The following COL28A1 variants were observed in gnomAD, a reference collection of about 807,000 sequenced individuals.
The protein encoded by COL28A1 is collagen type XXVIII alpha 1 chain.
Under a neutral mutation model 150.2 loss-of-function variants are expected in COL28A1, and 161 were observed. The ratio of observed to expected loss-of-function variants is 1.07; its 90% CI spans 0.94 to 1.22. The LOEUF (loss-of-function observed/expected upper bound fraction) is 1.22. COL28A1 is among the 50% of genes most tolerant of loss of function. The pLI is 0.00. For missense variants in COL28A1, 1,617 were observed against 1,388.3 expected (o/e 1.16, Z -2.62); for synonymous variants, 552 against 469.7 (o/e 1.18, Z -2.26).
At position 7,445,657 on chromosome 7, in the gene COL28A1, C is replaced by T. The variant is rs1054305997; in HGVS notation, c.1510-1168G>A. Among the ~76,000 whole-genome samples the T allele has an allele frequency of 3.3e-5, 5 of 152,156 alleles. No homozygotes were observed. In the South Asian group the frequency reaches 1.0e-3, roughly 32 times the overall value. ...TTAAAATGTTCAGGAAAAAAATATG[C>T]TACTTTCAATCAGTTTAAAGCATCT... is the stretch of plus-strand genomic sequence containing the variant. On this transcript the variant is annotated intron_variant, in intron 18 of 34. Coordinates refer to ENST00000399429, the MANE Select transcript of COL28A1 (RefSeq NM_001037763.3).
chr7:7,541,979 A>C, the COL28A1 span, among the ~76,000 whole-genome samples: 1 of 150,802 alleles, frequency 6.6e-6, no homozygotes, highest in Non-Finnish European at 1.5e-5. Context: ...ATCTAACTCT[A>C]GTTGACAATA....
At position 7,440,834 on chromosome 7, in the gene COL28A1, C is replaced by T. The variant is rs368227356; in HGVS notation, c.1678G>A (p.Gly560Arg). 3.4e-5 allele frequency: 52 copies of T among 1,552,120 alleles called. No individual in the cohort carries two copies. The highest frequency in any genetic ancestry group is 4.5e-5 in the Non-Finnish European group (51 of 1,124,616). ...GGAAGTCCCCTCTGTCCTTGATTTC[C>T]TTTGCTCCCTTTCTTGCCTTCGTCA... is the stretch of plus-strand genomic sequence containing the variant. The part of the protein sequence containing the change: ...KGDEGKKGSK[G>R]NQGQRGLPGP... The change falls in exon 21 of 35, where the codon GGA becomes AGA. Residue 560 changes from glycine (G) to arginine (R), a missense_variant. Gly to Arg is a moderately radical substitution (Grantham distance 125). Transcript: ENST00000399429.
intron 27 of COL28A1, chr7:7,417,530 G>GA (rs1784157135): frequency 6.1e-5 from 7 of 115,136 alleles, no homozygotes; most frequent in African/African-American, 5.1e-4. Context: ...AGGGGGGAGG[G>GA]AGGGAGGGAG....
At chr7:7,348,748 A>T in the COL28A1 span, among the ~76,000 whole-genome samples, 6 of 151,946 alleles carry the variant, frequency 3.9e-5, no homozygotes, top group Non-Finnish European at 7.4e-5. Context: ...TTGGTGCTAT[A>T]AATTTCCTTC....
chr7:7,449,690 A>C (rs920606161), intron 18 of COL28A1, among the ~76,000 whole-genome samples: 1 of 152,180 alleles, frequency 6.6e-6, no homozygotes, highest in East Asian at 1.9e-4. Context: ...AAACAAAACA[A>C]AACAAAACAA....
intron 30 of COL28A1, among the ~76,000 whole-genome samples, chr7:7,376,273 G>A (rs1781537322): frequency 6.6e-6 from 1 of 152,158 alleles, no homozygotes; most frequent in Admixed American, 6.5e-5. Context: ...TCAACAGGAA[G>A]GACCAGTGGA....
chr7:7,506,153 G>C, intron 10 of COL28A1, 86 bp from the exon 11 acceptor site: 1 of 806,060 alleles, frequency 1.2e-6, no homozygotes, highest in Non-Finnish European at 2.2e-6. Context: ...TAGAGATCCT[G>C]GCGATCGAAG....
downstream of COL28A1, among the ~76,000 whole-genome samples, chr7:7,353,594 C>T (rs1238081675): frequency 1.3e-5 from 2 of 152,084 alleles, no homozygotes; most frequent in Non-Finnish European, 2.9e-5. Context: ...ATTTTGGTTG[C>T]CACTCAATTG....
intron 13 of COL28A1, among the ~76,000 whole-genome samples, chr7:7,483,679 T>C (rs933528129): frequency 2.0e-5 from 3 of 151,694 alleles, no homozygotes; most frequent in Admixed American, 6.6e-5. Flanking sequence ...TAAAAGAAAA[T>C]AACTCACAAT....
At chr7:7,476,825 T>C (rs1247879587) in intron 14 of COL28A1, among the ~76,000 whole-genome samples, 1 of 152,260 alleles carries the variant, frequency 6.6e-6, no homozygotes, top group African/African-American at 2.4e-5. Flanking sequence ...ATAAGGATGT[T>C]ATTTATCACT....
chr7:7,458,705 C>G (rs936940504), intron 15 of COL28A1, among the ~76,000 whole-genome samples: 1 of 152,126 alleles, frequency 6.6e-6, no homozygotes, highest in African/African-American at 2.4e-5. Context: ...TTCATTTATC[C>G]TCACAACAAC....
chr7:7,383,714 T>C (rs1782024312), intron 27 of COL28A1, among the ~76,000 whole-genome samples: 3 of 79,540 alleles, frequency 3.8e-5, no homozygotes, highest in Non-Finnish European at 9.8e-5. Context: ...GTATATGAGA[T>C]TCTAATTTGT....
At chr7:7,372,663 T>C (rs1237479787) in intron 32 of COL28A1, among the ~76,000 whole-genome samples, 2 of 152,146 alleles carry the variant, frequency 1.3e-5, no homozygotes, top group African/African-American at 4.8e-5. Context: ...CTCGATCCCT[T>C]ATTTTAGTTA....
intron 1 of COL28A1, among the ~76,000 whole-genome samples, chr7:7,533,220 G>C (rs986507357): frequency 6.6e-6 from 1 of 152,064 alleles, no homozygotes; most frequent in Non-Finnish European, 1.5e-5. Flanking sequence ...TTTCAATCCC[G>C]CTCTATATGA....
At chr7:7,417,983 C>T (rs1480630875) in intron 26 of COL28A1, 56 bp from the exon 27 acceptor site, 1 of 1,440,272 alleles carries the variant, frequency 6.9e-7, no homozygotes. Flanking sequence ...GAAGAAGAAA[C>T]AACGTTAAGT....
At chr7:7,371,314 GTC>G in intron 32 of COL28A1, among the ~76,000 whole-genome samples, 1 of 152,232 alleles carries the variant, frequency 6.6e-6, no homozygotes, top group East Asian at 1.9e-4. Context: ...GCTCTGAAAT[GTC>G]TTTGGCTATT....
At chr7:7,408,798 A>T (rs1171831203) in intron 27 of COL28A1, among the ~76,000 whole-genome samples, 2 of 152,194 alleles carry the variant, frequency 1.3e-5, no homozygotes, top group African/African-American at 4.8e-5. Flanking sequence ...CAGGAAAAAA[A>T]GACCTCACTT....
rs1247811638 is a variant in COL28A1, at chr7:7,373,625, A to G, written c.2360-79T>C. 5.3e-6 allele frequency: 6 copies of G among 1,132,296 alleles called. No homozygotes were observed. The highest frequency in any genetic ancestry group is 2.0e-5 in the Admixed American group (1 of 51,120). 70.1% of individuals were successfully genotyped at this position (1,132,296 alleles called of 1,614,324 possible). A position where few individuals can be genotyped will look rare whatever the true frequency, so the allele number is the denominator to read the frequency against. Reference sequence around the variant, plus strand: ...GTTGAGGGGAGGGGAGAAAAAGTCAATGATGAACCTGAGACCTAAACTATT... The same window carrying G: ...GTTGAGGGGAGGGGAGAAAAAGTCAGTGATGAACCTGAGACCTAAACTATT... On this transcript the variant is annotated intron_variant, in intron 31 of 34. Coordinates refer to ENST00000399429, the MANE Select transcript of COL28A1 (RefSeq NM_001037763.3). This position sits in a 1 kb window ranked among gnomAD's most constrained non-coding sequence, Gnocchi z 4.1.
chr7:7,483,462 A>G (rs1583477751), intron 13 of COL28A1, among the ~76,000 whole-genome samples: 2 of 152,124 alleles, frequency 1.3e-5, no homozygotes, highest in African/African-American at 4.8e-5. Context: ...AAAAATTTCT[A>G]CCATGGTCCT....
Sources: allele counts gnomAD v4.1 joint callset (sites outside exome capture counted in the v4.1 genomes callset), GRCh38; gene constraint gnomAD v4.1.1; non-coding constraint Gnocchi (gnomAD v3.1); transcripts MANE v1.5; gene names NCBI Gene and HGNC (gene_info 2026-07-23, HGNC 2026-07-21).